The following PDGFD variants were observed in gnomAD, a reference collection of about 807,000 sequenced individuals.
The protein encoded by PDGFD is platelet-derived growth factor D.
A neutral mutation model predicts 44.7 loss-of-function variants in PDGFD; 30 were observed. The observed-to-expected ratio is 0.67, with a 90% confidence interval of 0.50 to 0.91. The LOEUF (loss-of-function observed/expected upper bound fraction) is 0.91, where lower values mean the gene tolerates loss of function less well. Among genes scored for constraint, PDGFD ranks in the 40% least tolerant of loss-of-function variants. The pLI is 0.00. For synonymous variants in PDGFD, 173 were observed against 168.4 expected, an observed-to-expected ratio of 1.03 and a Z score of -0.21; for missense variants, 445 against 457.8, an observed-to-expected ratio of 0.97 and a Z score of 0.25.
chr11:104,003,480 G>A (rs551652852), intron 1 of PDGFD, among the ~76,000 whole-genome samples: 1 of 152,328 alleles, frequency 6.6e-6, no homozygotes, highest in East Asian at 1.9e-4. Context: ...AGAGGTGAGG[G>A]TAACAAGGTC....
chr11:103,922,963 C>T, intron 6 of PDGFD, among the ~76,000 whole-genome samples: 1 of 152,112 alleles, frequency 6.6e-6, no homozygotes, highest in East Asian at 1.9e-4. Flanking sequence ...CAGTTTATTA[C>T]CATTAGATCA....
At chr11:103,976,759 T>C (rs1258719661) in intron 3 of PDGFD, among the ~76,000 whole-genome samples, 1 of 152,034 alleles carries the variant, frequency 6.6e-6, no homozygotes, top group Non-Finnish European at 1.5e-5. Flanking sequence ...TTTAGCATGA[T>C]GGGCTGAATT....
intron 1 of PDGFD, among the ~76,000 whole-genome samples, chr11:104,058,252 T>C (rs1189012210): frequency 6.6e-6 from 1 of 152,192 alleles, no homozygotes; most frequent in African/African-American, 2.4e-5. Flanking sequence ...AACACGTACA[T>C]GATAAATGTC....
chr11:104,062,897 T>G (rs1200959542), intron 1 of PDGFD, among the ~76,000 whole-genome samples: 1 of 152,206 alleles, frequency 6.6e-6, no homozygotes, highest in African/African-American at 2.4e-5. Context: ...TGCTATTAAT[T>G]TTATCTCCCA....
At chr11:104,083,481 TAC>T (rs1861076422) in intron 1 of PDGFD, among the ~76,000 whole-genome samples, 1 of 152,178 alleles carries the variant, frequency 6.6e-6, no homozygotes, top group South Asian at 2.1e-4. Context: ...GACCACTGAT[TAC>T]TCTATAGCTA....
intron 1 of PDGFD, among the ~76,000 whole-genome samples, chr11:104,082,456 A>G (rs1398443407): frequency 6.6e-6 from 1 of 151,894 alleles, no homozygotes; most frequent in Non-Finnish European, 1.5e-5. Context: ...TCCACTATAT[A>G]GGTTATAGTC....
intron 1 of PDGFD, among the ~76,000 whole-genome samples, chr11:104,126,103 C>T (rs903992784): frequency 2.0e-5 from 3 of 152,154 alleles, no homozygotes; most frequent in Non-Finnish European, 2.9e-5. Context: ...GAGAACTCCA[C>T]TAGCCTCATA....
intron 6 of PDGFD, among the ~76,000 whole-genome samples, chr11:103,918,720 C>G (rs1400754724): frequency 6.6e-6 from 1 of 152,114 alleles, no homozygotes; most frequent in Non-Finnish European, 1.5e-5. Flanking sequence ...ACTATTTGAA[C>G]AAAGTGGAAA....
chr11:104,025,495 A>C (rs1383036695), intron 1 of PDGFD, among the ~76,000 whole-genome samples: 1 of 152,214 alleles, frequency 6.6e-6, no homozygotes, highest in Non-Finnish European at 1.5e-5. Context: ...TTCTCCCCAG[A>C]AGGTGACATT....
chr11:103,969,575 G>A (rs987214604), intron 3 of PDGFD, among the ~76,000 whole-genome samples: 1 of 146,418 alleles, frequency 6.8e-6, no homozygotes, highest in African/African-American at 2.5e-5. Context: ...TTTATTTTAG[G>A]GCTGTGTGAA....
intron 1 of PDGFD, among the ~76,000 whole-genome samples, chr11:104,080,557 T>C (rs1450377968): frequency 6.6e-6 from 1 of 152,204 alleles, no homozygotes; most frequent in Non-Finnish European, 1.5e-5. Flanking sequence ...GAACATTTAT[T>C]CCTTCCATAT....
chr11:104,074,783 G>T (rs1277850821), intron 1 of PDGFD, among the ~76,000 whole-genome samples: 1 of 152,148 alleles, frequency 6.6e-6, no homozygotes, highest in Non-Finnish European at 1.5e-5. Flanking sequence ...TCTTCAAAAA[G>T]GAAAGGAAAG....
chr11:104,005,671 C>T (rs1859690822), intron 1 of PDGFD, among the ~76,000 whole-genome samples: 1 of 152,186 alleles, frequency 6.6e-6, no homozygotes, highest in Admixed American at 6.5e-5. Context: ...CTCACAACAA[C>T]CCCATGCCAT....
intron 3 of PDGFD, among the ~76,000 whole-genome samples, chr11:103,984,196 T>C (rs1859317594): frequency 6.6e-6 from 1 of 151,684 alleles, no homozygotes; most frequent in Admixed American, 6.6e-5. Flanking sequence ...AAACAAAATG[T>C]GGTATATATA....
At chr11:103,963,642 G>A (rs943026539) in intron 3 of PDGFD, among the ~76,000 whole-genome samples, 4 of 152,072 alleles carry the variant, frequency 2.6e-5, no homozygotes, top group African/African-American at 9.7e-5. Flanking sequence ...TGTGAAATGG[G>A]AACAGGCATA....
chr11:104,103,347 T>C (rs778272944), intron 1 of PDGFD, among the ~76,000 whole-genome samples: 5 of 151,836 alleles, frequency 3.3e-5, no homozygotes, highest in Non-Finnish European at 5.9e-5. Flanking sequence ...ATGTCCATTA[T>C]AACCCTATTT....
chr11:103,930,138 T>C (rs1227479625), intron 5 of PDGFD, among the ~76,000 whole-genome samples: 4 of 152,206 alleles, frequency 2.6e-5, no homozygotes, highest in African/African-American at 7.2e-5. Flanking sequence ...CAATTAAGTT[T>C]TTTGGGCCTC....
intron 5 of PDGFD, among the ~76,000 whole-genome samples, chr11:103,934,558 G>A (rs1220173783): frequency 6.6e-6 from 1 of 152,180 alleles, no homozygotes; most frequent in Non-Finnish European, 1.5e-5. Context: ...AGGTTTAATG[G>A]CCTCACAGTT....
At chr11:104,069,047 T>C (rs1372589102) in intron 1 of PDGFD, among the ~76,000 whole-genome samples, 1 of 152,198 alleles carries the variant, frequency 6.6e-6, no homozygotes, top group African/African-American at 2.4e-5. Context: ...TTATTCCGTG[T>C]CTAAGTTTTC....
Sources: gnomAD v4.1 joint callset for allele counts (sites outside exome capture counted in the v4.1 genomes callset) on GRCh38, gnomAD v4.1.1 for gene constraint, MANE v1.5 for transcripts, NCBI Gene and HGNC (gene_info 2026-07-23, HGNC 2026-07-21) for gene names.